Variants in FAM81A observed in about 807,000 individuals in gnomAD.
FAM81A encodes the protein family with sequence similarity 81 member A, also known as protein FAM81A.
Under a neutral mutation model 46.7 loss-of-function variants are expected in FAM81A, and 19 were observed. The ratio of observed to expected loss-of-function variants is 0.41; its 90% CI spans 0.28 to 0.60. The LOEUF is 0.60. FAM81A is among the 20% of genes least tolerant of loss of function. The pLI is 0.34. For synonymous variants in FAM81A, 183 were observed against 152.9 expected (o/e 1.20, Z -1.45); for missense variants, 377 against 453.5 (o/e 0.83, Z 1.53).
intron 1 of FAM81A, among the ~76,000 whole-genome samples, chr15:59,443,745 C>T (rs2081325719): frequency 6.6e-6 from 1 of 152,202 alleles, no homozygotes; most frequent in Admixed American, 6.5e-5. Context: ...GAGGTGTCCC[C>T]TGCACAGTCT....
intron 2 of FAM81A, among the ~76,000 whole-genome samples, chr15:59,423,559 C>T (rs1475398378): frequency 6.6e-6 from 1 of 152,106 alleles, no homozygotes; most frequent in Non-Finnish European, 1.5e-5. Flanking sequence ...AGCACAATAA[C>T]GTTTCTTGTG....
chr15:59,504,595 AC>A (rs1394619054), intron 4 of FAM81A, among the ~76,000 whole-genome samples: 1 of 152,098 alleles, frequency 6.6e-6, no homozygotes, highest in East Asian at 1.9e-4. Context: ...TGTTTTTTGC[AC>A]CCTACTCCTT....
intron 8 of FAM81A, among the ~76,000 whole-genome samples, chr15:59,521,024 G>T (rs1230403184): frequency 6.6e-6 from 1 of 152,162 alleles, no homozygotes; most frequent in Non-Finnish European, 1.5e-5. Flanking sequence ...GGTTAAAGGG[G>T]TATATGACAG....
At chr15:59,500,015 G>C (rs2082074933) in intron 4 of FAM81A, among the ~76,000 whole-genome samples, 1 of 152,008 alleles carries the variant, frequency 6.6e-6, no homozygotes, top group Non-Finnish European at 1.5e-5. Flanking sequence ...ACCACACCTG[G>C]CTAATTTATG....
chr15:59,400,934 C>G (rs2081067519), intron 1 of FAM81A, among the ~76,000 whole-genome samples: 2 of 152,102 alleles, frequency 1.3e-5, no homozygotes, highest in South Asian at 4.1e-4. Context: ...TAAAGGGCTA[C>G]AAAGGTTTCA....
chr15:59,407,155 C>CA (rs2081098933), intron 2 of FAM81A: 1 of 157,458 alleles, frequency 6.4e-6, no homozygotes, highest in Non-Finnish European at 1.4e-5. Context: ...TGTGTGGTGA[C>CA]AGTGGTGCAG....
intron 1 of FAM81A, 43 bp downstream of exon 1, chr15:59,438,325 G>A (rs1237892225): frequency 5.3e-5 from 8 of 152,098 alleles, no homozygotes; most frequent in Non-Finnish European, 1.2e-4. Flanking sequence ...CGGCCTCTGG[G>A]GCTGGGCGGC....
At chr15:59,500,626 T>G (rs191166065) in intron 4 of FAM81A, among the ~76,000 whole-genome samples, 1 of 152,258 alleles carries the variant, frequency 6.6e-6, no homozygotes, top group African/African-American at 2.4e-5. Context: ...ATTCTCATTA[T>G]GCATATGTTG....
At chr15:59,434,013 G>GC (rs1459723118), upstream of FAM81A, among the ~76,000 whole-genome samples, 2 of 152,092 alleles carry the variant, frequency 1.3e-5, no homozygotes, top group Non-Finnish European at 2.9e-5. Flanking sequence ...CTGCCACCAT[G>GC]CCCGGCTAGC....
At chr15:59,480,947 C>A (rs772375198) in intron 3 of FAM81A, among the ~76,000 whole-genome samples, 1 of 152,108 alleles carries the variant, frequency 6.6e-6, no homozygotes, top group Non-Finnish European at 1.5e-5. Flanking sequence ...TTGTTAATGT[C>A]AGGTAGGATT....
chr15:59,412,926 G>T (rs1403070195), intron 2 of FAM81A, among the ~76,000 whole-genome samples: 1 of 152,060 alleles, frequency 6.6e-6, no homozygotes, highest in Non-Finnish European at 1.5e-5. Flanking sequence ...CTTTTCAGGG[G>T]GAAAGAAATC....
At chr15:59,484,933 A>G (rs2081899264) in intron 3 of FAM81A, among the ~76,000 whole-genome samples, 1 of 152,170 alleles carries the variant, frequency 6.6e-6, no homozygotes, top group Non-Finnish European at 1.5e-5. Context: ...AGGATTCACC[A>G]CAAACTGAAT....
chr15:59,477,335 T>G (rs2081785220), intron 3 of FAM81A, among the ~76,000 whole-genome samples: 2 of 152,178 alleles, frequency 1.3e-5, no homozygotes, highest in South Asian at 4.1e-4. Flanking sequence ...TAGCTGTTTT[T>G]CAGTTCACGC....
At chr15:59,443,937 G>A (rs147403752) in intron 1 of FAM81A, 4 of 152,552 alleles carry the variant, frequency 2.6e-5, no homozygotes, top group South Asian at 2.1e-4. Flanking sequence ...GCTTTGCCCC[G>A]TCTCCACCCC....
chr15:59,460,572 T>C lies in FAM81A; in HGVS notation c.294+366T>C, dbSNP rs935138237. On this transcript the variant is annotated intron_variant, in intron 3 of 8. Coordinates refer to ENST00000288228, the MANE Select transcript of FAM81A (RefSeq NM_152450.3). The surrounding 1 kb of genome is among the most constrained non-coding windows in gnomAD (Gnocchi z 4.4). ...ATTAAGTCAATTACTAAGGTCAGAC[T>C]CTGTTGCTTCAGATTAAATGTTTCT... 1 of 360,320 alleles carries C rather than the reference T, an allele frequency of 2.8e-6. No individual in the cohort carries two copies. Among genetic ancestry groups the C allele is most frequent in the Non-Finnish European group, 5.3e-6 (1 of 187,340 alleles). The allele number at this position is 360,320 out of a possible 1,614,324, so 22.3% of individuals were successfully genotyped here.
chr15:59,440,663 C>T (rs2081287721), intron 1 of FAM81A, among the ~76,000 whole-genome samples: 1 of 152,186 alleles, frequency 6.6e-6, no homozygotes, highest in South Asian at 2.1e-4. Context: ...GGACTTCAGC[C>T]TACTTAGCTG....
chr15:59,475,606 G>A (rs745442440), intron 3 of FAM81A, among the ~76,000 whole-genome samples: 7 of 152,144 alleles, frequency 4.6e-5, no homozygotes, highest in Non-Finnish European at 1.0e-4. Flanking sequence ...TTTTTGGAGT[G>A]TGCAATTTTG....
chr15:59,498,369 G>A (rs1306992588), intron 4 of FAM81A, among the ~76,000 whole-genome samples: 1 of 152,026 alleles, frequency 6.6e-6, no homozygotes, highest in Non-Finnish European at 1.5e-5. Flanking sequence ...TTGTATATTG[G>A]TCTTGTGTCC....
intron 8 of FAM81A, among the ~76,000 whole-genome samples, chr15:59,520,971 A>G (rs2082321890): frequency 6.6e-6 from 1 of 152,190 alleles, no homozygotes; most frequent in Admixed American, 6.5e-5. Context: ...AAGTTACGTG[A>G]TGTTGTTTCT....
Sources: gnomAD v4.1 joint callset for allele counts (sites outside exome capture counted in the v4.1 genomes callset) on GRCh38, gnomAD v4.1.1 for gene constraint, Gnocchi (gnomAD v3.1) non-coding constraint, MANE v1.5 for transcripts, NCBI Gene and HGNC (gene_info 2026-07-23, HGNC 2026-07-21) for gene names.